The following TCF25 variants were observed in gnomAD, a reference collection of about 807,000 sequenced individuals.
TCF25 encodes ribosome quality control complex subunit TCF25.
A neutral mutation model predicts 83.1 loss-of-function variants in TCF25; 41 were observed. The observed-to-expected ratio is 0.49, with a 90% confidence interval of 0.38 to 0.64. The LOEUF is 0.64. Among genes scored for constraint, TCF25 ranks in the 30% least tolerant of loss-of-function variants. TCF25 has a pLI of 0.00. For synonymous variants in TCF25, 458 were observed against 365.0 expected (o/e 1.25, Z -2.90); for missense variants, 979 against 914.5 (o/e 1.07, Z -0.91).
At chr16:89,910,503 G>C (rs1438334698) in intron 16 of TCF25, 88 bp from the exon 17 acceptor site, 1 of 1,389,112 alleles carries the variant, frequency 7.2e-7, no homozygotes, top group East Asian at 2.3e-5. Context: ...CTGCGAGGGA[G>C]GCAGCTGGCA....
At chr16:89,878,942 G>A (rs2042390676) in intron 1 of TCF25, among the ~76,000 whole-genome samples, 1 of 152,192 alleles carries the variant, frequency 6.6e-6, no homozygotes, top group African/African-American at 2.4e-5. Flanking sequence ...CGCCCAGCCA[G>A]TAATAAGGTT....
At chr16:89,906,775 G>A (rs919611998) in intron 15 of TCF25, among the ~76,000 whole-genome samples, 11 of 152,154 alleles carry the variant, frequency 7.2e-5, no homozygotes, top group African/African-American at 2.4e-4. Context: ...TTTAACTTCA[G>A]CTGCTCTGCG....
intron 12 of TCF25, among the ~76,000 whole-genome samples, chr16:89,902,504 AC>A (rs966191520): frequency 7.3e-6 from 1 of 137,616 alleles, no homozygotes; most frequent in African/African-American, 2.6e-5. Context: ...CCTGACTAAC[AC>A]GGTGAAACCA....
chr16:89,902,974 C>G (rs908484492), intron 12 of TCF25, among the ~76,000 whole-genome samples: 2 of 152,236 alleles, frequency 1.3e-5, no homozygotes, highest in East Asian at 1.9e-4. Context: ...ACGTGCCCCC[C>G]AGAGGGGCCT....
chr16:89,910,522 C>G, intron 16 of TCF25, 69 bp from the exon 17 acceptor site: 1 of 1,552,898 alleles, frequency 6.4e-7, no homozygotes, highest in Admixed American at 1.7e-5. Flanking sequence ...CAGGCAGCCC[C>G]GTGAGCCGGG....
rs750378674 is a variant in TCF25 at position 89,892,180 on chromosome 16, C to A, written c.615-13C>A. The A allele has an allele frequency of 8.1e-6, 13 of 1,597,286 alleles. No individual in the cohort carries two copies. The African/African-American group carries it at 1.6e-4, about 20-fold the overall frequency. On this transcript the variant is annotated splice_polypyrimidine_tract_variant and intron_variant, in intron 5 of 17. Transcript: ENST00000263346. Reference sequence around the variant, plus strand: ...CAGGAAGTAAAGCTGTACCTGTGTCCCGTTCTCCCCAGGCCACGGCAGAGA... The same window carrying A: ...CAGGAAGTAAAGCTGTACCTGTGTCACGTTCTCCCCAGGCCACGGCAGAGA...
chr16:89,894,368 G>C (rs1269793686), intron 7 of TCF25, among the ~76,000 whole-genome samples: 1 of 151,254 alleles, frequency 6.6e-6, no homozygotes, highest in Admixed American at 6.6e-5. Context: ...GCCCCGGACG[G>C]CCCCCGCGCA....
chr16:89,876,927 TAAAAA>T (rs71137687), intron 1 of TCF25, among the ~76,000 whole-genome samples: 1 of 68,028 alleles, frequency 1.5e-5, no homozygotes. Context: ...AGACTCCATC[TAAAAA>T]AAAAAAAAAA....
chr16:89,878,492 A>T, intron 1 of TCF25: 3 of 1,249,352 alleles, frequency 2.4e-6, no homozygotes, highest in Non-Finnish European at 3.1e-6. Context: ...CCCCCTAAAA[A>T]AAGATAAAAC....
intron 1 of TCF25, 115 bp from the exon 2 acceptor site, chr16:89,883,236 G>A (rs1297560599): frequency 1.1e-5 from 16 of 1,405,266 alleles, no homozygotes; most frequent in African/African-American, 7.2e-5. Flanking sequence ...CCAGCGTCTC[G>A]CACTGACCCT....
intron 16 of TCF25, 43 bp from the exon 17 acceptor site, chr16:89,910,548 C>T (rs751153024): frequency 5.6e-6 from 9 of 1,606,030 alleles, no homozygotes; most frequent in South Asian, 3.3e-5. Context: ...TCCCACGAGT[C>T]TCAGTTCAGT....
At chr16:89,909,994 C>G (rs2045412623) in intron 16 of TCF25, 1 of 152,704 alleles carries the variant, frequency 6.5e-6, no homozygotes, top group African/African-American at 2.4e-5. Context: ...CTGGAAAGTA[C>G]TTGCCTTACC....
intron 16 of TCF25, chr16:89,910,365 C>T (rs111236166): frequency 1.7e-6 from 1 of 590,520 alleles, no homozygotes; most frequent in Admixed American, 3.0e-5. Context: ...GAGTTGGTCT[C>T]CCTCATCCTG....
intron 1 of TCF25, among the ~76,000 whole-genome samples, chr16:89,877,115 AAT>A (rs201948759): frequency 2.2e-5 from 3 of 137,470 alleles, no homozygotes; most frequent in African/African-American, 6.5e-5. Context: ...AAAATAAATA[AAT>A]AAATAAATAA....
In TCF25 at chr16:89,885,900, C is replaced by G. The variant is rs141462280; in HGVS notation, c.482C>G (p.Thr161Ser). The G allele has an allele frequency of 5.6e-6, 9 of 1,613,770 alleles. No homozygotes were observed. In the African/African-American group the frequency reaches 1.1e-4, roughly 19 times the overall value. The change falls in exon 4 of 18, where the codon ACT becomes AGT. Residue 161 changes from threonine to serine, a missense_variant. Coordinates refer to ENST00000263346, the MANE Select transcript of TCF25 (RefSeq NM_014972.3). ...ATCCTAGAGAGGATTGAGGACAGCA[C>G]TGGGTTGAACCGTCCCGGCCCAGCT... Reference protein sequence around the residue: ...DRILERIEDSTGLNRPGPAPL... With the variant: ...DRILERIEDSSGLNRPGPAPL...
Position 89,900,811 on chromosome 16 carries a change from TC to T in TCF25, c.1381+18del, listed in dbSNP as rs2144208025. ...TCCCTGGAGGTGAGTGAGCGCTGTG[TC>T]TCGCCTGGGGTAGGGGTGTGTCCTG... is the stretch of plus-strand genomic sequence containing the variant. On this transcript the variant is annotated intron_variant, in intron 12 of 17. Coordinates refer to ENST00000263346, the MANE Select transcript of TCF25 (RefSeq NM_014972.3). 6.4e-7 allele frequency: 1 copy of T among 1,558,100 alleles called. No homozygotes were observed. Among genetic ancestry groups the T allele is most frequent in the African/African-American group, 1.3e-5 (1 of 74,278 alleles).
At chr16:89,876,760 A>G (rs1459550164) in intron 1 of TCF25, among the ~76,000 whole-genome samples, 1 of 151,976 alleles carries the variant, frequency 6.6e-6, no homozygotes, top group Non-Finnish European at 1.5e-5. Flanking sequence ...CCCCGCCTCT[A>G]CTAAAGAAGT....
intron 9 of TCF25, among the ~76,000 whole-genome samples, chr16:89,897,269 G>A (rs2043936381): frequency 6.6e-6 from 1 of 152,224 alleles, no homozygotes; most frequent in African/African-American, 2.4e-5. Flanking sequence ...AGATACTTCT[G>A]CCCCTAAAGC....
chr16:89,895,153 C>A lies in TCF25; in HGVS notation c.928+16C>A, dbSNP rs1351046510. Reference sequence around the variant, plus strand: ...GACCTCGTAGGTAAGGCAGAGCCCCCACCCCATTCCCCTCAGCTGTGGGAG... The same window carrying A: ...GACCTCGTAGGTAAGGCAGAGCCCCAACCCCATTCCCCTCAGCTGTGGGAG... On this transcript the variant is annotated intron_variant, in intron 8 of 17. Coordinates refer to ENST00000263346, the MANE Select transcript of TCF25 (RefSeq NM_014972.3). The A allele has an allele frequency of 1.2e-6, 2 of 1,608,626 alleles. No individual in the cohort carries two copies. Among genetic ancestry groups the A allele is most frequent in the Middle Eastern group, 1.7e-4 (1 of 6,048 alleles).
Sources: gnomAD v4.1 joint callset for allele counts (sites outside exome capture counted in the v4.1 genomes callset) on GRCh38, gnomAD v4.1.1 for gene constraint, MANE v1.5 for transcripts, NCBI Gene and HGNC (gene_info 2026-07-23, HGNC 2026-07-21) for gene names.